The following MACROD2 variants were observed in gnomAD, a reference collection of about 807,000 sequenced individuals.
The protein encoded by MACROD2 is ADP-ribose glycohydrolase MACROD2.
A neutral mutation model predicts 70.4 loss-of-function variants in MACROD2; 36 were observed. The observed-to-expected ratio is 0.51, with a 90% CI of 0.39 to 0.68. The LOEUF is 0.68. Ranked by LOEUF, MACROD2 falls within the 30% of genes least tolerant of loss-of-function variation. The probability of loss-of-function intolerance (pLI) is 0.00; values close to 1 mark genes in which losing one functional copy is unlikely to be tolerated. For missense variants in MACROD2, 496 were observed against 538.4 expected, an observed-to-expected ratio of 0.92 and a Z score of 0.78; for synonymous variants, 172 against 178.8, an observed-to-expected ratio of 0.96 and a Z score of 0.30.
At chr20:14,994,732 T>C (rs1234568464) in intron 5 of MACROD2, among the ~76,000 whole-genome samples, 1 of 152,212 alleles carries the variant, frequency 6.6e-6, no homozygotes, top group Non-Finnish European at 1.5e-5. Flanking sequence ...TGATTTGAAC[T>C]TCATGCAAAA....
At chr20:14,959,419 C>G (rs1446182863) in intron 5 of MACROD2, among the ~76,000 whole-genome samples, 1 of 152,100 alleles carries the variant, frequency 6.6e-6, no homozygotes, top group Non-Finnish European at 1.5e-5. Context: ...CATGAGCCGC[C>G]GCACCCAACT....
At chr20:15,157,937 A>G (rs932999893) in intron 5 of MACROD2, among the ~76,000 whole-genome samples, 1 of 152,144 alleles carries the variant, frequency 6.6e-6, no homozygotes, top group Non-Finnish European at 1.5e-5. Flanking sequence ...TGTGAACCTC[A>G]GGGTGCTTTA....
chr20:15,006,997 CCAATTGCTTTAAAAAAA>C, intron 5 of MACROD2, among the ~76,000 whole-genome samples: 1 of 151,178 alleles, frequency 6.6e-6, no homozygotes, highest in African/African-American at 2.5e-5. Flanking sequence ...TTGATAAAAG[CCAATTGCTTTAAAAAAA>C]ATACTGTCAA....
intron 5 of MACROD2, among the ~76,000 whole-genome samples, chr20:15,101,709 A>G (rs1822905476): frequency 6.6e-6 from 1 of 151,850 alleles, no homozygotes; most frequent in Non-Finnish European, 1.5e-5. Flanking sequence ...ATTTAAGACT[A>G]TTTCAGAATA....
Position 14,364,373 on chromosome 20 carries a change from T to C in MACROD2, c.272-129106T>C, listed in dbSNP as rs538717209. Among the ~76,000 whole-genome samples, 738 of 152,172 alleles carry C rather than the reference T, an allele frequency of 4.8e-3. 3 individuals are homozygous for C. The highest frequency in any genetic ancestry group is 7.1e-3 in the Non-Finnish European group (480 of 67,984). On this transcript the variant is annotated intron_variant, in intron 3 of 17. Transcript: ENST00000684519. ...TCATCGTATAGGATCTTACAAAGGT[T>C]TAGTTTTGCCTATCATTTAATGATT... is the stretch of plus-strand genomic sequence containing the variant.
At chr20:14,256,821 A>G (rs1345083883) in intron 3 of MACROD2, among the ~76,000 whole-genome samples, 1 of 152,150 alleles carries the variant, frequency 6.6e-6, no homozygotes, top group African/African-American at 2.4e-5. Context: ...TGGCTTAGCT[A>G]TCTGGGATTT....
At chr20:15,148,223 A>AT in intron 5 of MACROD2, among the ~76,000 whole-genome samples, 1 of 151,934 alleles carries the variant, frequency 6.6e-6, no homozygotes, top group Non-Finnish European at 1.5e-5. Context: ...CTGAAGGAAG[A>AT]TTTTGTGGTA....
intron 5 of MACROD2, among the ~76,000 whole-genome samples, chr20:15,137,531 A>G (rs61289494): frequency 0.62 from 81,435 of 130,516 alleles, 25,282 homozygotes; most frequent in African/African-American, 0.69. Context: ...GACACAGGAA[A>G]GGGAACATCA....
chr20:15,041,145 T>C (rs1409723866), intron 5 of MACROD2, among the ~76,000 whole-genome samples: 1 of 152,206 alleles, frequency 6.6e-6, no homozygotes, highest in Non-Finnish European at 1.5e-5. Context: ...AATCTGCTAG[T>C]TTCTGATCTC....
intron 6 of MACROD2, among the ~76,000 whole-genome samples, chr20:15,243,742 T>C (rs768379153): frequency 3.3e-5 from 5 of 150,914 alleles, no homozygotes; most frequent in South Asian, 2.1e-4. Flanking sequence ...GGTGAAACCC[T>C]GTCTCTACTA....
chr20:14,533,031 C>T (rs2033807194), intron 4 of MACROD2, among the ~76,000 whole-genome samples: 1 of 152,176 alleles, frequency 6.6e-6, no homozygotes, highest in Non-Finnish European at 1.5e-5. Flanking sequence ...AGAATGGAGT[C>T]ACTCTTGCTG....
At chr20:14,544,805 C>T (rs145805763) in intron 4 of MACROD2, among the ~76,000 whole-genome samples, 5 of 152,250 alleles carry the variant, frequency 3.3e-5, no homozygotes, top group South Asian at 4.1e-4. Context: ...GATAAGGGAG[C>T]TGGAGTATTT....
intron 6 of MACROD2, among the ~76,000 whole-genome samples, chr20:15,261,193 C>T (rs903091821): frequency 9.2e-5 from 14 of 151,950 alleles, no homozygotes; most frequent in African/African-American, 3.1e-4. Context: ...TGACTGTTGG[C>T]AGTCGATCAT....
At chr20:15,973,242 A>G (rs1373618923) in intron 13 of MACROD2, among the ~76,000 whole-genome samples, 1 of 152,026 alleles carries the variant, frequency 6.6e-6, no homozygotes, top group African/African-American at 2.4e-5. Flanking sequence ...AAATTGTCTA[A>G]AAGAGGAAGA....
intron 6 of MACROD2, among the ~76,000 whole-genome samples, chr20:15,414,867 C>T (rs570272788): frequency 6.6e-6 from 1 of 152,328 alleles, no homozygotes; most frequent in East Asian, 1.9e-4. Flanking sequence ...CTGTTAGAAA[C>T]ATAATTTCAG....
intron 13 of MACROD2, among the ~76,000 whole-genome samples, chr20:15,969,175 G>A (rs1207598524): frequency 6.6e-6 from 1 of 152,056 alleles, no homozygotes; most frequent in African/African-American, 2.4e-5. Flanking sequence ...ATTAGGTTAA[G>A]ACCAGTCCAG....
intron 3 of MACROD2, among the ~76,000 whole-genome samples, chr20:14,350,601 G>C (rs1481597103): frequency 6.6e-6 from 1 of 151,936 alleles, no homozygotes; most frequent in African/African-American, 2.4e-5. Context: ...TTTTTGATTG[G>C]ATTAATATTT....
At chr20:15,674,454 C>T (rs927622335) in intron 8 of MACROD2, among the ~76,000 whole-genome samples, 9 of 151,982 alleles carry the variant, frequency 5.9e-5, no homozygotes, top group African/African-American at 2.2e-4. Context: ...ATAGGCGAGT[C>T]ATCAATAATA....
At chr20:14,529,871 T>C (rs1345062074) in intron 4 of MACROD2, among the ~76,000 whole-genome samples, 1 of 152,220 alleles carries the variant, frequency 6.6e-6, no homozygotes, top group African/African-American at 2.4e-5. Flanking sequence ...ATTTTTGAGA[T>C]AATTTTTAAG....
Sources: allele counts gnomAD v4.1 joint callset (sites outside exome capture counted in the v4.1 genomes callset), GRCh38; gene constraint gnomAD v4.1.1; transcripts MANE v1.5; gene names NCBI Gene and HGNC (gene_info 2026-07-23, HGNC 2026-07-21).